Variants in ATP8A2 observed in about 807,000 individuals in gnomAD.
ATP8A2 encodes ATPase phospholipid transporting 8A2, also known as phospholipid-transporting ATPase IB.
A neutral mutation model predicts 165.6 loss-of-function variants in ATP8A2; 100 were observed. The observed-to-expected ratio is 0.60, with a 90% CI of 0.51 to 0.71. ATP8A2 has a LOEUF of 0.71. ATP8A2 is among the 30% of genes least tolerant of loss of function. The pLI, the probability that ATP8A2 is intolerant of heterozygous loss-of-function variation, is 0.00. For synonymous variants in ATP8A2, 543 were observed against 548.8 expected (o/e 0.99, Z 0.15); for missense variants, 1,227 against 1,479.5 (o/e 0.83, Z 2.80).
chr13:25,921,861 A>G (rs116488292), intron 33 of ATP8A2, among the ~76,000 whole-genome samples: 1,664 of 152,320 alleles, frequency 0.011, 23 homozygotes, highest in African/African-American at 0.039. Context: ...AAATATTAAT[A>G]TAGTTCTAAA....
At chr13:25,916,375 C>T (rs186197133) in intron 33 of ATP8A2, among the ~76,000 whole-genome samples, 2 of 152,180 alleles carry the variant, frequency 1.3e-5, no homozygotes, top group African/African-American at 4.8e-5. Flanking sequence ...TTTAAATTGT[C>T]TTGCATTCCC....
chr13:25,736,189 C>A (rs1246492807), intron 25 of ATP8A2, among the ~76,000 whole-genome samples: 1 of 152,162 alleles, frequency 6.6e-6, no homozygotes, highest in African/African-American at 2.4e-5. Context: ...ATGACGTTTG[C>A]ACAATGACAG....
intron 33 of ATP8A2, among the ~76,000 whole-genome samples, chr13:25,894,203 T>A (rs1177442244): frequency 6.6e-6 from 1 of 152,192 alleles, no homozygotes; most frequent in African/African-American, 2.4e-5. Flanking sequence ...CTTGAATTAA[T>A]TTTTGTATAA....
At chr13:25,961,779 C>G (rs957048191) in intron 34 of ATP8A2, 116 bp downstream of exon 34, 1 of 780,430 alleles carries the variant, frequency 1.3e-6, no homozygotes, top group Non-Finnish European at 2.1e-6. Flanking sequence ...AGAAATGGGT[C>G]TCCTGCCACC....
At chr13:25,808,272 G>T (rs1950785432) in intron 27 of ATP8A2, among the ~76,000 whole-genome samples, 2 of 151,882 alleles carry the variant, frequency 1.3e-5, no homozygotes, top group Admixed American at 1.3e-4. Flanking sequence ...TGGGACTACA[G>T]GCATGCACTA....
chr13:25,537,482 G>A (rs987961189), intron 6 of ATP8A2, among the ~76,000 whole-genome samples: 1 of 152,176 alleles, frequency 6.6e-6, no homozygotes, highest in Non-Finnish European at 1.5e-5. Flanking sequence ...GTTGATCCTT[G>A]TAGTCACTCT....
chr13:25,616,007 C>G (rs538869548), intron 24 of ATP8A2, among the ~76,000 whole-genome samples: 3 of 152,270 alleles, frequency 2.0e-5, no homozygotes, highest in African/African-American at 7.2e-5. Context: ...CAATATGAGT[C>G]TCCACATGCT....
chr13:25,722,181 G>A (rs1158973222), intron 25 of ATP8A2, among the ~76,000 whole-genome samples: 1 of 152,200 alleles, frequency 6.6e-6, no homozygotes, highest in Non-Finnish European at 1.5e-5. Context: ...GTATGCAGTG[G>A]TATCTCAGTG....
intron 35 of ATP8A2, among the ~76,000 whole-genome samples, chr13:26,004,546 T>C (rs139945621): frequency 3.5e-4 from 54 of 152,226 alleles, no homozygotes; most frequent in African/African-American, 1.3e-3. Context: ...AGTTCTATGT[T>C]GAAAAGAATT....
At chr13:25,518,149 A>T (rs1241875229) in intron 2 of ATP8A2, among the ~76,000 whole-genome samples, 4 of 152,232 alleles carry the variant, frequency 2.6e-5, no homozygotes, top group Non-Finnish European at 4.4e-5. Context: ...GATTGGTTGA[A>T]TGCACTGCTA....
intron 24 of ATP8A2, among the ~76,000 whole-genome samples, chr13:25,659,778 T>A (rs1433749769): frequency 2.0e-5 from 3 of 152,218 alleles, no homozygotes; most frequent in Admixed American, 6.5e-5. Context: ...AAGCTTTCCC[T>A]TGCCAGCTTT....
chr13:25,938,488 A>G (rs1380472639), intron 33 of ATP8A2, among the ~76,000 whole-genome samples: 4 of 152,244 alleles, frequency 2.6e-5, no homozygotes, highest in African/African-American at 9.6e-5. Flanking sequence ...GCACATATGT[A>G]GTATTTCACA....
rs116835187 is a variant in ATP8A2 at position 25,834,042 on chromosome 13, C to A, written c.2755-3121C>A. Among the ~76,000 whole-genome samples the A allele has an allele frequency of 8.7e-3, 1,327 of 151,920 alleles. 21 individuals carry two copies. The highest frequency in any genetic ancestry group is 0.03 in the African/African-American group (1,263 of 41,450). Reference sequence around the variant, plus strand: ...AGATAGCCAGCAAATGTATGAAAACCTGCTCAAACTCACTGATAGTTGGGG... The same window carrying A: ...AGATAGCCAGCAAATGTATGAAAACATGCTCAAACTCACTGATAGTTGGGG... On this transcript the variant is annotated intron_variant, in intron 28 of 36. Transcript: ENST00000381655.
At chr13:25,391,730 G>T (rs2033255394) in intron 1 of ATP8A2, among the ~76,000 whole-genome samples, 1 of 152,178 alleles carries the variant, frequency 6.6e-6, no homozygotes, top group African/African-American at 2.4e-5. Flanking sequence ...AAACTTACAT[G>T]TATGGATGCT....
At chr13:25,790,873 A>C (rs1407544528) in intron 27 of ATP8A2, among the ~76,000 whole-genome samples, 1 of 152,190 alleles carries the variant, frequency 6.6e-6, no homozygotes, top group Admixed American at 6.5e-5. Flanking sequence ...TTAAAAAGTC[A>C]AAAAATAACA....
At chr13:25,517,620 A>G (rs2037522798) in intron 2 of ATP8A2, among the ~76,000 whole-genome samples, 1 of 152,042 alleles carries the variant, frequency 6.6e-6, no homozygotes, top group African/African-American at 2.4e-5. Context: ...CTTCCATTTC[A>G]CTCCTTGGAT....
chr13:25,460,841 T>A (rs901166138), intron 1 of ATP8A2, among the ~76,000 whole-genome samples: 4 of 152,204 alleles, frequency 2.6e-5, no homozygotes, highest in Non-Finnish European at 5.9e-5. Context: ...CTATTTCAAA[T>A]GGCTTCCTGA....
chr13:25,405,039 C>T (rs1172087692), intron 1 of ATP8A2, among the ~76,000 whole-genome samples: 2 of 152,086 alleles, frequency 1.3e-5, no homozygotes, highest in African/African-American at 4.8e-5. Context: ...ACAGGGATGG[C>T]CGAATTTCAA....
At chr13:25,987,348 A>G (rs1956296138) in intron 35 of ATP8A2, among the ~76,000 whole-genome samples, 1 of 152,250 alleles carries the variant, frequency 6.6e-6, no homozygotes, top group African/African-American at 2.4e-5. Flanking sequence ...GAAAATGCCA[A>G]CAAGCAACAA....
Sources: gnomAD v4.1 joint callset for allele counts (sites outside exome capture counted in the v4.1 genomes callset) on GRCh38, gnomAD v4.1.1 for gene constraint, MANE v1.5 for transcripts, NCBI Gene and HGNC (gene_info 2026-07-23, HGNC 2026-07-21) for gene names.